Variants in ITGA11 observed in about 807,000 individuals in gnomAD.
ITGA11 encodes integrin alpha-11.
ITGA11 carries 97 observed loss-of-function variants against 141.9 expected under a neutral mutation model. That is an observed-to-expected ratio of 0.68 (90% CI 0.58 to 0.81). The LOEUF is 0.81. Ranked by LOEUF, ITGA11 falls within the 30% of genes least tolerant of loss-of-function variation. The pLI, the probability that ITGA11 is intolerant of heterozygous loss-of-function variation, is 0.00. For synonymous variants in ITGA11, 658 were observed against 624.6 expected (o/e 1.05, Z -0.80); for missense variants, 1,387 against 1,559.2 (o/e 0.89, Z 1.86).
intron 12 of ITGA11, among the ~76,000 whole-genome samples, chr15:68,334,649 A>AG (rs953790154): frequency 2.5e-5 from 3 of 121,438 alleles, no homozygotes; most frequent in African/African-American, 9.7e-5. Flanking sequence ...CAAGTGAGGG[A>AG]GGGGGCGGGA....
At chr15:68,367,607 A>G (rs1895463247) in intron 3 of ITGA11, among the ~76,000 whole-genome samples, 1 of 152,086 alleles carries the variant, frequency 6.6e-6, no homozygotes, top group Non-Finnish European at 1.5e-5. Flanking sequence ...CCTGCCTAAA[A>G]CTATCCTGCT....
Position 68,307,654 on chromosome 15 carries a change from G to T in ITGA11, c.3217C>A (p.Arg1073=), listed in dbSNP as rs371549494. The change falls in exon 27 of 30, where the codon CGG becomes AGG. Residue 1073 remains arginine (R), a synonymous_variant. Coordinates refer to ENST00000315757, the MANE Select transcript of ITGA11 (RefSeq NM_001004439.2). The surrounding 1 kb of genome is among the most constrained non-coding windows in gnomAD (Gnocchi z 6.1). ...TTGATTTCCTGGTTGGGGACCAGCCGTATATTGCAGTTGATGGAGACGACA... is the reference window on the plus strand; with the variant it reads ...TTGATTTCCTGGTTGGGGACCAGCCTTATATTGCAGTTGATGGAGACGACA... The part of the protein sequence containing the change: ...SDVVSINCNI[R]LVPNQEINFH... 1.2e-6 allele frequency: 2 copies of T among 1,613,740 alleles called. No individual in the cohort carries two copies.
intron 11 of ITGA11, 182 bp from the exon 12 acceptor site, chr15:68,336,027 G>C: frequency 1.4e-6 from 1 of 703,858 alleles, no homozygotes; most frequent in Middle Eastern, 4.0e-4. Context: ...GCCTGGAAGA[G>C]GCAGGACCCA....
At position 68,302,865 on chromosome 15, in the gene ITGA11, G is replaced by A. The variant is rs1893076003; in HGVS notation, c.*194C>T. 1 of 582,744 alleles carries A rather than the reference G, an allele frequency of 1.7e-6. No homozygotes were observed. The highest frequency in any genetic ancestry group is 2.9e-5 in the East Asian group (1 of 35,016). The allele number at this position is 582,744 out of a possible 1,614,324, so 36.1% of individuals were successfully genotyped here. On this transcript the variant is annotated 3_prime_UTR_variant, in exon 30 of 30. Transcript: ENST00000315757. ...GTGTTAAAGGTGTCCCAGTCTCCCA[G>A]TAGGGCAGTTCCACTTAAAACCAGC... is the stretch of plus-strand genomic sequence containing the variant.
intron 2 of ITGA11, among the ~76,000 whole-genome samples, chr15:68,378,616 C>G (rs1446707262): frequency 6.6e-6 from 1 of 152,158 alleles, no homozygotes; most frequent in Non-Finnish European, 1.5e-5. Context: ...GCACTGTAGC[C>G]TGGGTGACAG....
intron 10 of ITGA11, among the ~76,000 whole-genome samples, chr15:68,344,100 C>T (rs2140321331): frequency 6.6e-6 from 1 of 152,204 alleles, no homozygotes; most frequent in African/African-American, 2.4e-5. Flanking sequence ...GGATATGGGG[C>T]CAGGCTTAGG....
At chr15:68,311,267 C>A in intron 25 of ITGA11, 23 bp downstream of exon 25, 1 of 1,510,580 alleles carries the variant, frequency 6.6e-7, no homozygotes, top group Non-Finnish European at 9.0e-7. Flanking sequence ...CCTCCCCTAG[C>A]CGGCTCCCAA....
In ITGA11 at chr15:68,307,849, G is replaced by A. The variant is rs151003070; in HGVS notation, c.3175-153C>T. ...TGGGAGTGGGGGACATGTGCATTGC[G>A]TCTGCCAGGGGATGACTGAAGGACA... On this transcript the variant is annotated intron_variant, in intron 26 of 29. Coordinates refer to ENST00000315757, the MANE Select transcript of ITGA11 (RefSeq NM_001004439.2). This position sits in a 1 kb window ranked among gnomAD's most constrained non-coding sequence, Gnocchi z 6.1. Among the ~76,000 whole-genome samples the A allele has an allele frequency of 2.5e-3, 380 of 152,252 alleles. 2 individuals carry two copies. The highest frequency in any genetic ancestry group is 8.8e-3 in the African/African-American group (365 of 41,542).
chr15:68,351,225 C>T, intron 8 of ITGA11, 33 bp downstream of exon 8: 3 of 1,611,426 alleles, frequency 1.9e-6, no homozygotes, highest in Non-Finnish European at 2.5e-6. Context: ...CTCTCAGAGG[C>T]CATCAGCAGC....
chr15:68,400,891 TATA>T (rs1254853591), intron 2 of ITGA11, among the ~76,000 whole-genome samples: 11 of 56,756 alleles, frequency 1.9e-4, no homozygotes, highest in African/African-American at 7.3e-4. Flanking sequence ...TAATAAATAT[TATA>T]ATATTATATA....
intron 2 of ITGA11, among the ~76,000 whole-genome samples, chr15:68,382,708 C>T (rs1895892608): frequency 6.6e-6 from 1 of 152,194 alleles, no homozygotes; most frequent in Admixed American, 6.5e-5. Flanking sequence ...TTTCCTTTTC[C>T]CATTCCAGTT....
In ITGA11 at chr15:68,425,869, A is replaced by G. The variant is rs1023944229; in HGVS notation, c.52+6146T>C. ...TGTCAGCCCCAGCTGCGCAGGCAGG[A>G]ACCCCTTCTCTGTGTCATCCTGTTT... On this transcript the variant is annotated intron_variant, in intron 1 of 29. Transcript: ENST00000315757. Among the ~76,000 whole-genome samples the G allele has an allele frequency of 4.6e-5, 7 of 152,308 alleles. No homozygotes were observed. In the East Asian group the frequency reaches 1.3e-3, roughly 29 times the overall value.
At chr15:68,401,703 C>T (rs1019517770) in intron 2 of ITGA11, among the ~76,000 whole-genome samples, 4 of 151,788 alleles carry the variant, frequency 2.6e-5, no homozygotes, top group African/African-American at 7.3e-5. Context: ...CTGGCTGGGG[C>T]GGGGGTGAGT....
Position 68,406,386 on chromosome 15 carries a change from C to T in ITGA11, c.53-3357G>A, listed in dbSNP as rs77293156. On this transcript the variant is annotated intron_variant, in intron 1 of 29. Transcript: ENST00000315757. ...TCTCCTCCAGCCATACTGACCCTCT[C>T]GCTGTCCTTCCAACTTCAGACTCGT... Among the ~76,000 whole-genome samples the T allele has an allele frequency of 3.0e-3, 456 of 152,268 alleles. 12 individuals carry two copies. In the East Asian group the frequency reaches 0.062, roughly 21 times the overall value.
intron 14 of ITGA11, among the ~76,000 whole-genome samples, chr15:68,331,338 A>T (rs1209435488): frequency 6.6e-6 from 1 of 152,154 alleles, no homozygotes; most frequent in East Asian, 1.9e-4. Context: ...AGAGTTCCCC[A>T]TTAAGTGTAA....
chr15:68,400,201 G>A (rs764547478), intron 2 of ITGA11, among the ~76,000 whole-genome samples: 4 of 151,904 alleles, frequency 2.6e-5, no homozygotes, highest in Non-Finnish European at 4.4e-5. Flanking sequence ...AGATCAACTG[G>A]CCATCCATAT....
At chr15:68,362,806 C>A (rs1895289119) in intron 4 of ITGA11, among the ~76,000 whole-genome samples, 1 of 150,468 alleles carries the variant, frequency 6.6e-6, no homozygotes, top group Non-Finnish European at 1.5e-5. Flanking sequence ...TGAATGATGG[C>A]TGGATAGATG....
rs1234161587 is a variant in ITGA11, at chr15:68,326,823, C to A, written c.2069-27G>T. On this transcript the variant is annotated intron_variant, in intron 16 of 29. Transcript: ENST00000315757. The surrounding 1 kb of genome is among the most constrained non-coding windows in gnomAD (Gnocchi z 6.8). ...TGCAGGAGGGGAGAGGGCAAGACCA[C>A]AAAGGTGGAGCCACATGCCCATCCA... The A allele has an allele frequency of 2.6e-6, 4 of 1,563,002 alleles. No individual in the cohort carries two copies. Among genetic ancestry groups the A allele is most frequent in the Non-Finnish European group, 3.5e-6 (4 of 1,153,076 alleles).
At chr15:68,342,432 C>T (rs1308465203) in intron 10 of ITGA11, among the ~76,000 whole-genome samples, 1 of 152,188 alleles carries the variant, frequency 6.6e-6, no homozygotes, top group Admixed American at 6.5e-5. Flanking sequence ...GGCTTGGCAG[C>T]TGTCAGAAGG....
Sources: allele counts gnomAD v4.1 joint callset (sites outside exome capture counted in the v4.1 genomes callset), GRCh38; gene constraint gnomAD v4.1.1; non-coding constraint Gnocchi (gnomAD v3.1); transcripts MANE v1.5; gene names NCBI Gene and HGNC (gene_info 2026-07-23, HGNC 2026-07-21).